Variants in NAV2 observed in about 807,000 individuals in gnomAD.
NAV2 encodes the protein helicase, APC down-regulated 1.
In NAV2, 54 loss-of-function variants were observed where a neutral mutation model predicts 223.2. The observed-to-expected ratio is 0.24, with a 90% confidence interval of 0.19 to 0.30. The LOEUF is 0.30. Ranked by LOEUF, NAV2 falls within the 10% of genes least tolerant of loss-of-function variation. The probability of loss-of-function intolerance (pLI) is 1.00; values close to 1 mark genes in which losing one functional copy is unlikely to be tolerated. For synonymous variants in NAV2, 1,279 were observed against 1,239.3 expected, an observed-to-expected ratio of 1.03 and a Z score of -0.67; for missense variants, 2,806 against 3,147.5, an observed-to-expected ratio of 0.89 and a Z score of 2.60.
At chr11:19,907,121 AG>A (rs1183176057) in intron 6 of NAV2, among the ~76,000 whole-genome samples, 2 of 152,130 alleles carry the variant, frequency 1.3e-5, no homozygotes, top group African/African-American at 4.8e-5. Context: ...GAAACCATAC[AG>A]AAAAATACCC....
chr11:19,863,594 A>G (rs182758905), intron 3 of NAV2, among the ~76,000 whole-genome samples: 3 of 152,262 alleles, frequency 2.0e-5, no homozygotes, highest in Admixed American at 1.3e-4. Context: ...AACCCTATCC[A>G]TGGACCTATG....
At chr11:19,510,652 G>T (rs4757817) in intron 1 of NAV2, among the ~76,000 whole-genome samples, 1 of 152,078 alleles carries the variant, frequency 6.6e-6, no homozygotes, top group Admixed American at 6.5e-5. Context: ...CCCGAAGTCC[G>T]TTGGTCATTG....
chr11:19,518,782 G>T (rs2043546835), intron 1 of NAV2, among the ~76,000 whole-genome samples: 1 of 152,198 alleles, frequency 6.6e-6, no homozygotes, highest in Non-Finnish European at 1.5e-5. Flanking sequence ...CCTGGACGGG[G>T]TGTTTGCGCC....
chr11:19,355,646 T>A (rs1853575092), intron 1 of NAV2, among the ~76,000 whole-genome samples: 2 of 152,194 alleles, frequency 1.3e-5, no homozygotes, highest in African/African-American at 4.8e-5. Context: ...CCACCCTAGT[T>A]TAAGGTCCAG....
intron 1 of NAV2, among the ~76,000 whole-genome samples, chr11:19,476,675 CTG>C (rs2042126417): frequency 6.6e-6 from 1 of 152,240 alleles, no homozygotes; most frequent in African/African-American, 2.4e-5. Context: ...AAGTCAATCG[CTG>C]TGTGCAGGAC....
chr11:19,800,906 C>A (rs1448202580), intron 1 of NAV2, among the ~76,000 whole-genome samples: 1 of 152,126 alleles, frequency 6.6e-6, no homozygotes, highest in Non-Finnish European at 1.5e-5. Flanking sequence ...CTAGACAAGG[C>A]ATGAGGCCAA....
At chr11:19,748,035 T>C (rs754978918) in intron 1 of NAV2, among the ~76,000 whole-genome samples, 1 of 152,166 alleles carries the variant, frequency 6.6e-6, no homozygotes, top group Non-Finnish European at 1.5e-5. Context: ...ATGCTGGGCA[T>C]GTAGTGAGAC....
chr11:19,541,091 TG>T (rs1393882135), intron 1 of NAV2, among the ~76,000 whole-genome samples: 1 of 152,256 alleles, frequency 6.6e-6, no homozygotes, highest in Non-Finnish European at 1.5e-5. Flanking sequence ...CATTAGACTT[TG>T]TTAAATGCTA....
chr11:20,115,981 A>G (rs2063059534), intron 37 of NAV2, among the ~76,000 whole-genome samples: 1 of 152,226 alleles, frequency 6.6e-6, no homozygotes, highest in African/African-American at 2.4e-5. Flanking sequence ...CTCTACCAAT[A>G]TAAGACCCAC....
chr11:20,077,134 A>G (rs2059806638), intron 22 of NAV2, among the ~76,000 whole-genome samples: 1 of 152,182 alleles, frequency 6.6e-6, no homozygotes, highest in Admixed American at 6.5e-5. Context: ...TACATTACCA[A>G]TTACAAGACT....
intron 10 of NAV2, among the ~76,000 whole-genome samples, chr11:19,963,065 G>T (rs1431275789): frequency 6.6e-6 from 1 of 152,214 alleles, no homozygotes; most frequent in Non-Finnish European, 1.5e-5. Context: ...CTATAGAGAA[G>T]GGGGAAGGCC....
Position 20,121,153 on chromosome 11 carries a change from C to A in NAV2, c.*2895C>A, listed in dbSNP as rs2063454597. 2 of 152,440 alleles carry A rather than the reference C, an allele frequency of 1.3e-5. No individual in the cohort carries two copies. The highest frequency in any genetic ancestry group is 1.3e-4 in the Admixed American group (2 of 15,246). 9.4% of individuals were successfully genotyped at this position (152,440 alleles called of 1,614,324 possible). A position where few individuals can be genotyped will look rare whatever the true frequency, so the allele number is the denominator to read the frequency against. On this transcript the variant is annotated 3_prime_UTR_variant, in exon 38 of 38. Coordinates refer to ENST00000349880, the MANE Select transcript of NAV2 (RefSeq NM_145117.5). ...CTTAAACTTCAAAATTCTCTGTATT[C>A]AAATTTGATTGTGGCGAATCTACTT...
Position 19,545,803 on chromosome 11 carries a change from T to A in NAV2, c.75+194776T>A, listed in dbSNP as rs949452280. Among the ~76,000 whole-genome samples, 15 of 151,960 alleles carry A rather than the reference T, an allele frequency of 9.9e-5. 1 individual carries two copies. The highest frequency in any genetic ancestry group is 1.9e-4 in the Non-Finnish European group (13 of 68,008). The stretch of plus-strand genomic sequence containing the variant: ...TCATCAGCTATTGTTAGTGTTAGTG[T>A]ATTTTATGTGTGGCCCAAGACAATG... On this transcript the variant is annotated intron_variant, in intron 1 of 37. Coordinates refer to the NAV2 transcript ENST00000360655.
chr11:20,113,546 G>C (rs1247381870), intron 36 of NAV2, among the ~76,000 whole-genome samples: 3 of 152,214 alleles, frequency 2.0e-5, no homozygotes, highest in East Asian at 1.9e-4. Flanking sequence ...ACTGTTTTAA[G>C]AGCCAATTAG....
At chr11:20,019,132 C>T (rs1422975089) in intron 11 of NAV2, among the ~76,000 whole-genome samples, 2 of 152,052 alleles carry the variant, frequency 1.3e-5, no homozygotes, top group East Asian at 3.9e-4. Flanking sequence ...GATTGCTGCC[C>T]CTGGGGTGTG....
intron 1 of NAV2, among the ~76,000 whole-genome samples, chr11:19,375,976 T>A (rs937981635): frequency 6.6e-6 from 1 of 152,202 alleles, no homozygotes; most frequent in Non-Finnish European, 1.5e-5. Flanking sequence ...TAAATATCTA[T>A]AGGTTTAAAC....
chr11:19,877,337 AC>A (rs1843191140), intron 4 of NAV2, among the ~76,000 whole-genome samples: 1 of 152,152 alleles, frequency 6.6e-6, no homozygotes, highest in Non-Finnish European at 1.5e-5. Context: ...AGTAAATCTT[AC>A]ATAGATTTCA....
rs142612674 is a variant in NAV2 at position 19,668,226 on chromosome 11, G to A, written c.76-164258G>A. On this transcript the variant is annotated intron_variant, in intron 1 of 37. Transcript: ENST00000360655. ...TGCATTTCACATATGAAACATTGTC[G>A]CCATCAATTGCCTTAAAAAGTATCC... 2.0e-4 allele frequency among the ~76,000 whole-genome samples: 31 copies of A among 152,244 alleles called. No homozygotes were observed. In the Middle Eastern group the frequency reaches 0.024, roughly 117 times the overall value.
intron 1 of NAV2, among the ~76,000 whole-genome samples, chr11:19,515,887 C>A (rs927283116): frequency 9.2e-5 from 14 of 152,294 alleles, no homozygotes; most frequent in African/African-American, 2.9e-4. Context: ...AGAAAGGAAT[C>A]AAGGTTGATT....
Sources: allele counts gnomAD v4.1 joint callset (sites outside exome capture counted in the v4.1 genomes callset), GRCh38; gene constraint gnomAD v4.1.1; transcripts MANE v1.5; gene names NCBI Gene and HGNC (gene_info 2026-07-23, HGNC 2026-07-21).